Variants in LIMS1 observed in about 807,000 individuals in gnomAD.
The protein encoded by LIMS1 is LIM zinc finger domain containing 1, also known as LIM and senescent cell antigen-like-containing domain protein 1.
In LIMS1, 18 loss-of-function variants were observed where a neutral mutation model predicts 44.1. The observed-to-expected ratio is 0.41, with a 90% confidence interval of 0.28 to 0.61. The LOEUF (loss-of-function observed/expected upper bound fraction) is 0.61, where lower values mean the gene tolerates loss of function less well. Among genes scored for constraint, LIMS1 ranks in the 20% least tolerant of loss-of-function variants. The probability of loss-of-function intolerance (pLI) is 0.32; values close to 1 mark genes in which losing one functional copy is unlikely to be tolerated. For synonymous variants in LIMS1, 93 were observed against 149.1 expected (o/e 0.62, Z 2.74); for missense variants, 201 against 422.0 (o/e 0.48, Z 4.59).
chr2:108,681,734 T>A, intron 9 of LIMS1: 1 of 263,786 alleles, frequency 3.8e-6, no homozygotes, highest in Non-Finnish European at 5.9e-6. Flanking sequence ...CAGCCTGGAC[T>A]ACATGCCTAG....
chr2:108,663,887 TG>T (rs1303574423), intron 2 of LIMS1, among the ~76,000 whole-genome samples: 3 of 152,084 alleles, frequency 2.0e-5, no homozygotes, highest in African/African-American at 7.2e-5. Context: ...CCCAAGTAGC[TG>T]GGATTACAGG....
At chr2:108,616,197 C>CTTTTT (rs1159229290) in intron 1 of LIMS1, among the ~76,000 whole-genome samples, 9 of 71,938 alleles carry the variant, frequency 1.3e-4, no homozygotes, top group East Asian at 5.5e-4. Context: ...TTTGCATGGG[C>CTTTTT]TTTTTTTTTT....
chr2:108,573,306 C>CTT (rs1313789655), intron 1 of LIMS1, among the ~76,000 whole-genome samples: 5 of 141,030 alleles, frequency 3.5e-5, no homozygotes, highest in African/African-American at 1.0e-4. Flanking sequence ...CTTTTCTTTT[C>CTT]TTTTTTTTTT....
chr2:108,647,794 G>A (rs1281450268), intron 1 of LIMS1, among the ~76,000 whole-genome samples: 1 of 152,078 alleles, frequency 6.6e-6, no homozygotes, highest in Non-Finnish European at 1.5e-5. Context: ...CAATAAACTA[G>A]GCATTGATGG....
intron 1 of LIMS1, among the ~76,000 whole-genome samples, chr2:108,555,771 G>A (rs928393718): frequency 6.6e-6 from 1 of 152,248 alleles, no homozygotes; most frequent in Non-Finnish European, 1.5e-5. Context: ...GAAGTGCTGT[G>A]TGCTGGACTG....
chr2:108,613,355 A>G (rs966693384), intron 1 of LIMS1, among the ~76,000 whole-genome samples: 1 of 152,352 alleles, frequency 6.6e-6, no homozygotes, highest in Middle Eastern at 3.4e-3. Flanking sequence ...TTAAGGCAAC[A>G]TGAAGTACAT....
chr2:108,667,571 C>T (rs1266604356), intron 2 of LIMS1, among the ~76,000 whole-genome samples: 3 of 121,594 alleles, frequency 2.5e-5, no homozygotes, highest in African/African-American at 7.0e-5. Flanking sequence ...TATATATATA[C>T]TGCTGGGCTA....
chr2:108,654,290 G>A (rs570225497), intron 1 of LIMS1, among the ~76,000 whole-genome samples: 66 of 152,098 alleles, frequency 4.3e-4, no homozygotes, highest in African/African-American at 1.4e-3. Context: ...CCTTAGTCAT[G>A]ATAGAGACTG....
chr2:108,604,454 G>C (rs7565372), intron 1 of LIMS1, among the ~76,000 whole-genome samples: 1 of 151,960 alleles, frequency 6.6e-6, no homozygotes, highest in Admixed American at 6.6e-5. Context: ...TTGATGATTC[G>C]TGCCATAGAG....
intron 1 of LIMS1, among the ~76,000 whole-genome samples, chr2:108,587,605 A>G (rs2104672918): frequency 6.6e-6 from 1 of 152,272 alleles, no homozygotes; most frequent in Non-Finnish European, 1.5e-5. Context: ...AATTGGGTAA[A>G]GGAGCTTTCT....
chr2:108,632,451 C>G (rs1325539310), intron 1 of LIMS1, among the ~76,000 whole-genome samples: 1 of 152,124 alleles, frequency 6.6e-6, no homozygotes, highest in East Asian at 1.9e-4. Flanking sequence ...ATGTAGGGTC[C>G]AGGTGTCTCA....
At chr2:108,546,693 T>TTTG (rs1553450078) in intron 1 of LIMS1, among the ~76,000 whole-genome samples, 2 of 150,556 alleles carry the variant, frequency 1.3e-5, no homozygotes, top group Non-Finnish European at 3.0e-5. Flanking sequence ...TTTTTTTTTT[T>TTTG]AAAGACAATG....
chr2:108,675,993 G>A (rs757490707), exon 6 of LIMS1: 4 of 1,613,898 alleles, frequency 2.5e-6, no homozygotes, highest in Admixed American at 1.7e-5. Flanking sequence ...CGAAGGGCGC[G>A]TGGTGAACGC....
At chr2:108,611,910 CACACATATAAAATATATATAT>C (rs1212414335) in intron 1 of LIMS1, among the ~76,000 whole-genome samples, 1 of 70,820 alleles carries the variant, frequency 1.4e-5, no homozygotes, top group Non-Finnish European at 3.2e-5. Flanking sequence ...ATAAAATATA[CACACATATAAAATATATATAT>C]ACATATATAA....
At chr2:108,559,420 T>C (rs1438418996) in intron 1 of LIMS1, among the ~76,000 whole-genome samples, 2 of 152,254 alleles carry the variant, frequency 1.3e-5, no homozygotes, top group African/African-American at 4.8e-5. Flanking sequence ...TTGCCTGTGA[T>C]ACATAATTAC....
chr2:108,635,429 T>TAAAAA (rs70956264), intron 1 of LIMS1, among the ~76,000 whole-genome samples: 8 of 86,664 alleles, frequency 9.2e-5, no homozygotes, highest in Admixed American at 2.9e-4. Flanking sequence ...ACTTCATCTC[T>TAAAAA]AAAAAAAAAA....
chr2:108,650,755 T>TA (rs1315602825), intron 1 of LIMS1, among the ~76,000 whole-genome samples: 2 of 152,224 alleles, frequency 1.3e-5, no homozygotes, highest in African/African-American at 2.4e-5. Flanking sequence ...GCCACACTGT[T>TA]ACAGATCCTT....
At chr2:108,552,391 ATATAC>A (rs1286768277) in intron 1 of LIMS1, among the ~76,000 whole-genome samples, 1 of 144,656 alleles carries the variant, frequency 6.9e-6, no homozygotes, top group Non-Finnish European at 1.5e-5. Flanking sequence ...ATGAAACTAT[ATATAC>A]TATATATACT....
rs530654668 is a variant in LIMS1, at chr2:108,646,617, A to C, written c.33-12988A>C. The stretch of plus-strand genomic sequence containing the variant: ...AATTCAAAAGCTAGCAGAAGACAAG[A>C]AGTAACTAAGATCAGAGCAGAAAAG... On this transcript the variant is annotated intron_variant, in intron 1 of 9. Coordinates refer to ENST00000544547, the Ensembl canonical transcript of LIMS1. Among the ~76,000 whole-genome samples the C allele has an allele frequency of 2.6e-5, 4 of 152,336 alleles. No homozygotes were observed. In the East Asian group the frequency reaches 7.7e-4, roughly 29 times the overall value.
Sources: gnomAD v4.1 joint callset for allele counts (sites outside exome capture counted in the v4.1 genomes callset) on GRCh38, gnomAD v4.1.1 for gene constraint, MANE v1.5 for transcripts, NCBI Gene and HGNC (gene_info 2026-07-23, HGNC 2026-07-21) for gene names.